The following NBR1 variants were observed in gnomAD, a reference collection of about 807,000 sequenced individuals.
NBR1 encodes next to BRCA1 gene 1 protein.
Under a neutral mutation model 115.5 loss-of-function variants are expected in NBR1, and 59 were observed. That is an observed-to-expected ratio of 0.51 (90% CI 0.41 to 0.63). The LOEUF is 0.63. Among genes scored for constraint, NBR1 ranks in the 30% least tolerant of loss-of-function variants. NBR1 has a pLI of 0.00. For synonymous variants in NBR1, 373 were observed against 414.7 expected (o/e 0.90, Z 1.22); for missense variants, 1,043 against 1,150.5 (o/e 0.91, Z 1.35).
Position 43,210,160 on chromosome 17 carries a change from AT to A in NBR1, c.*91del. ...GGGTATGGGATAGAAGCCCTTGCTT[AT>A]TTTTAATCTGATGAATCTGTATAGA... On this transcript the variant is annotated 3_prime_UTR_variant, in exon 21 of 21. Coordinates refer to ENST00000590996, the MANE Select transcript of NBR1 (RefSeq NM_005899.5). 7.6e-7 allele frequency: 1 copy of A among 1,321,638 alleles called. No individual in the cohort carries two copies. The highest frequency in any genetic ancestry group is 1.0e-6 in the Non-Finnish European group (1 of 968,608). The allele number at this position is 1,321,638 out of a possible 1,614,324, so 81.9% of individuals were successfully genotyped here. A position where few individuals can be genotyped will look rare whatever the true frequency, so the allele number is the denominator to read the frequency against.
intron 14 of NBR1, chr17:43,195,273 C>T: frequency 6.1e-6 from 3 of 491,300 alleles, no homozygotes; most frequent in Middle Eastern, 5.4e-4. Context: ...GAGGCCAAGG[C>T]AGGAGGATCA....
At chr17:43,194,926 A>G (rs376395989) in intron 13 of NBR1, 38 bp from the exon 14 acceptor site, 420 of 1,531,484 alleles carry the variant, frequency 2.7e-4, no homozygotes, top group Non-Finnish European at 3.6e-4. Context: ...TGGCTCCAGC[A>G]TGCACTCCAA....
At chr17:43,194,617 G>A in intron 13 of NBR1, 118 bp downstream of exon 13, 1 of 1,156,692 alleles carries the variant, frequency 8.6e-7, no homozygotes, top group Non-Finnish European at 1.2e-6. Context: ...GATCTAGTCA[G>A]GTATATTTAA....
chr17:43,174,631 T>C (rs2056460496), intron 1 of NBR1, among the ~76,000 whole-genome samples: 1 of 151,800 alleles, frequency 6.6e-6, no homozygotes, highest in Non-Finnish European at 1.5e-5. Flanking sequence ...AAAATAATTA[T>C]ATTATTATAG....
rs752789312 is a variant in NBR1 at position 43,182,211 on chromosome 17, C to CTTTTTTT, written c.207+1412_207+1418dup. On this transcript the variant is annotated intron_variant, in intron 5 of 20. Coordinates refer to ENST00000590996, the MANE Select transcript of NBR1 (RefSeq NM_005899.5). ...CCTCTTTCCCTCACTCTGTTCTCTCCTTTTTTTTTTTTTTTTTTTTTTTTG... is the reference window on the plus strand; with the variant it reads ...CCTCTTTCCCTCACTCTGTTCTCTCCTTTTTTTTTTTTTTTTTTTTTTTTTTTTTTTG... Among the ~76,000 whole-genome samples, 10 of 71,570 alleles carry CTTTTTTT rather than the reference C, an allele frequency of 1.4e-4. 1 individual carries two copies. The highest frequency in any genetic ancestry group is 2.0e-4 in the Non-Finnish European group (8 of 39,404). The allele number at this position is 71,570 out of a possible 152,430, so 47.0% of individuals were successfully genotyped here.
intron 15 of NBR1, 32 bp downstream of exon 15, chr17:43,196,623 A>G: frequency 3.4e-6 from 5 of 1,449,696 alleles, no homozygotes; most frequent in East Asian, 2.4e-5. Context: ...AAGTATTTGC[A>G]TCCTCCCTTT....
Position 43,196,537 on chromosome 17 carries a change from G to A in NBR1, c.1807G>A (p.Gly603Ser), listed in dbSNP as rs780584882. 2 of 1,606,962 alleles carry A rather than the reference G, an allele frequency of 1.2e-6. No individual in the cohort carries two copies. The highest frequency in any genetic ancestry group is 2.2e-5 in the South Asian group (2 of 89,404). Reference sequence around the variant, plus strand: ...TGACAGTCCTTTAATAGAGAAGCCAGGCTTGGGGCAGATAGAGGAAGAGAA... The same window carrying A: ...TGACAGTCCTTTAATAGAGAAGCCAAGCTTGGGGCAGATAGAGGAAGAGAA... Reference protein sequence around the residue: ...PHDSPLIEKPGLGQIEEENEG... With the variant: ...PHDSPLIEKPSLGQIEEENEG... Residue 603 changes from glycine (G) to serine (S), a missense_variant, in exon 15 of 21, where the codon GGC becomes AGC. Gly to Ser is a moderately conservative substitution (Grantham distance 56). Coordinates refer to ENST00000590996, the MANE Select transcript of NBR1 (RefSeq NM_005899.5).
In NBR1 at chr17:43,180,815, A is replaced by G; in HGVS notation, c.205A>G (p.Lys69Glu). 1 of 1,449,688 alleles carries G rather than the reference A, an allele frequency of 6.9e-7. No homozygotes were observed. Among genetic ancestry groups the G allele is most frequent in the South Asian group, 1.4e-5 (1 of 70,012 alleles). 89.8% of individuals were successfully genotyped at this position (1,449,688 alleles called of 1,614,324 possible). The change falls in exon 5 of 21, where the codon AAG becomes GAG. Residue 69 changes from lysine to glutamate, a missense_variant and splice_region_variant. Physicochemically the swap from Lys to Glu is moderately conservative, Grantham distance 56 (BLOSUM62 1). Transcript: ENST00000590996. ...NSQGEYEEAL[K>E]MAVKQGNQLQ... ...TTTAGGAGAATATGAAGAAGCGCTTAAGGTAATGATTATTTAATCTCATTT... is the reference window on the plus strand; with the variant it reads ...TTTAGGAGAATATGAAGAAGCGCTTGAGGTAATGATTATTTAATCTCATTT...
chr17:43,196,920 A>G, intron 15 of NBR1, 22 bp from the exon 16 acceptor site: 6 of 1,613,554 alleles, frequency 3.7e-6, no homozygotes, highest in Non-Finnish European at 5.1e-6. Context: ...CCCAGTGCAG[A>G]TAAGGTTCGT....
intron 5 of NBR1, among the ~76,000 whole-genome samples, chr17:43,185,271 C>A (rs1230139906): frequency 6.6e-6 from 1 of 151,994 alleles, no homozygotes; most frequent in Non-Finnish European, 1.5e-5. Context: ...TAATGTATGA[C>A]AAAAAATTTT....
At chr17:43,184,372 C>CTTTT (rs71160024) in intron 5 of NBR1, among the ~76,000 whole-genome samples, 2 of 96,194 alleles carry the variant, frequency 2.1e-5, no homozygotes, top group African/African-American at 6.7e-5. Context: ...AAATACTATT[C>CTTTT]TTTTTTTTTT....
At position 43,191,363 on chromosome 17, in the gene NBR1, A is replaced by G. The variant is rs1266070400; in HGVS notation, c.864-9A>G. The G allele has an allele frequency of 6.3e-7, 1 of 1,599,810 alleles. No homozygotes were observed. Among genetic ancestry groups the G allele is most frequent in the African/African-American group, 1.3e-5 (1 of 74,390 alleles). On this transcript the variant is annotated splice_polypyrimidine_tract_variant and intron_variant, in intron 9 of 20. Transcript: ENST00000590996. ...CTTTCTTTTAAGACTTGCTTTTATT[A>G]TCTCACAGGCTCCAGAAACAGGTTG... is the stretch of plus-strand genomic sequence containing the variant.
At chr17:43,194,642 C>A (rs2057025631) in intron 13 of NBR1, 143 bp downstream of exon 13, 4 of 909,012 alleles carry the variant, frequency 4.4e-6, no homozygotes, top group East Asian at 4.9e-5. Context: ...AAGGAGATCA[C>A]CCATGGAAGC....
rs532060323 is a variant in NBR1 at position 43,190,695 on chromosome 17, G to A, written c.782G>A (p.Arg261Lys). The change falls in exon 9 of 21, where the codon AGA becomes AAA. Residue 261 changes from arginine (R) to lysine (K), a missense_variant. Transcript: ENST00000590996. ...DTNHVLLKLR[R>K]PVVGSSEPFC... Reference sequence around the variant, plus strand: ...AACCACGTCCTGCTGAAGTTGCGGAGACCTGTTGTGGGCTCCTCTGAACCG... The same window carrying A: ...AACCACGTCCTGCTGAAGTTGCGGAAACCTGTTGTGGGCTCCTCTGAACCG... 1.2e-6 allele frequency: 2 copies of A among 1,613,968 alleles called. No individual in the cohort carries two copies. Among genetic ancestry groups the A allele is most frequent in the South Asian group, 2.2e-5 (2 of 91,074 alleles).
intron 2 of NBR1, 37 bp downstream of exon 2, chr17:43,175,938 G>A (rs1339895671): frequency 3.3e-6 from 4 of 1,215,642 alleles, no homozygotes; most frequent in East Asian, 4.8e-5. Flanking sequence ...CTTGGTTTAA[G>A]CATGGTTATT....
chr17:43,188,073 G>A (rs1276551898), intron 6 of NBR1, among the ~76,000 whole-genome samples: 2 of 151,354 alleles, frequency 1.3e-5, no homozygotes, highest in Non-Finnish European at 2.9e-5. Context: ...TGTATTTTTA[G>A]TAGAGATGGG....
chr17:43,200,229 G>A lies in NBR1; in HGVS notation c.2089G>A (p.Glu697Lys). 6.4e-7 allele frequency: 1 copy of A among 1,551,878 alleles called. No individual in the cohort carries two copies. The highest frequency in any genetic ancestry group is 8.7e-7 in the Non-Finnish European group (1 of 1,147,010). ...GAAGGAGGAGATTATCCATATCGCT[G>A]AGGAAGAAGCTGTCATGGAGGAGGA... ...NEKEEIIHIA[E>K]EEAVMEEEED... Residue 697 changes from glutamate (E) to lysine (K), a missense_variant, in exon 17 of 21, where the codon GAG becomes AAG. Transcript: ENST00000590996.
chr17:43,178,183 A>T (rs754877509), intron 3 of NBR1, 185 bp downstream of exon 3: 3 of 615,570 alleles, frequency 4.9e-6, no homozygotes, highest in Non-Finnish European at 7.9e-6. Context: ...ATGGAGAAGC[A>T]ACACTGAAGA....
rs2057033322 is a variant in NBR1, at chr17:43,194,965, AC to A, written c.1678del (p.Leu560CysfsTer9). 6.2e-7 allele frequency: 1 copy of A among 1,613,328 alleles called. No individual in the cohort carries two copies. Among genetic ancestry groups the A allele is most frequent in the Non-Finnish European group, 8.5e-7 (1 of 1,179,646 alleles). ...GCCTAACATTGTCTTTTTTTATAGG[AC>A]CTGCTGTCCTTTGAGCTGTTGGATA... ...IPSVDLLTAQ[D>X]LLSFELLDIN... On this transcript the variant is annotated frameshift_variant and splice_region_variant, in exon 14 of 21. Transcript: ENST00000590996. LOFTEE classifies it high-confidence loss of function.
Sources: allele counts gnomAD v4.1 joint callset (sites outside exome capture counted in the v4.1 genomes callset), GRCh38; gene constraint gnomAD v4.1.1; transcripts MANE v1.5; gene names NCBI Gene and HGNC (gene_info 2026-07-23, HGNC 2026-07-21).